The following FLII variants were observed in gnomAD, a reference collection of about 807,000 sequenced individuals.
FLII encodes the protein FLII actin remodeling protein, also known as protein flightless-1 homolog.
Under a neutral mutation model 156.2 loss-of-function variants are expected in FLII, and 101 were observed. That is an observed-to-expected ratio of 0.65 (90% CI 0.55 to 0.76). The LOEUF is 0.76. Among genes scored for constraint, FLII ranks in the 30% least tolerant of loss-of-function variants. The pLI, the probability that FLII is intolerant of heterozygous loss-of-function variation, is 0.00. For missense variants in FLII, 1,675 were observed against 1,682.8 expected (o/e 1.00, Z 0.08); for synonymous variants, 767 against 685.8 (o/e 1.12, Z -1.85).
In FLII at chr17:18,258,522, G is replaced by A; in HGVS notation, c.63+106C>T. 1 of 1,510,682 alleles carries A rather than the reference G, an allele frequency of 6.6e-7. No homozygotes were observed. Among genetic ancestry groups the A allele is most frequent in the Non-Finnish European group, 8.8e-7 (1 of 1,136,284 alleles). 93.6% of individuals were successfully genotyped at this position (1,510,682 alleles called of 1,614,324 possible). A position where few individuals can be genotyped will look rare whatever the true frequency, so the allele number is the denominator to read the frequency against. Reference sequence around the variant, plus strand: ...CACCCCGCCCCGGCCGCAGTCCCTGGGACACGCAGGGCCTGGAGCCGAGCG... The same window carrying A: ...CACCCCGCCCCGGCCGCAGTCCCTGAGACACGCAGGGCCTGGAGCCGAGCG... On this transcript the variant is annotated intron_variant, in intron 1 of 29. Transcript: ENST00000327031. The surrounding 1 kb of genome is among the most constrained non-coding windows in gnomAD (Gnocchi z 4.2).
Position 18,245,561 on chromosome 17 carries a change from G to A in FLII, c.3603C>T (p.Gly1201=). 1 of 1,613,624 alleles carries A rather than the reference G, an allele frequency of 6.2e-7. No individual in the cohort carries two copies. The highest frequency in any genetic ancestry group is 1.7e-5 in the Admixed American group (1 of 60,022). ...GCTAGTGGCAACATCACACCTCTTG[G>A]CCATTGTCTAGCAACATGATGTCAT... ...ADDDIMLLDN[G]QEVYMWVGTQ... Residue 1201 remains glycine, a synonymous_variant, in exon 28 of 30, where the codon GGC becomes GGT. Coordinates refer to ENST00000327031, the MANE Select transcript of FLII (RefSeq NM_002018.4).
Position 18,247,188 on chromosome 17 carries a change from G to T in FLII, c.2657C>A (p.Pro886Gln). The change falls in exon 21 of 30, where the codon CCG becomes CAG. Residue 886 changes from proline (P) to glutamine (Q), a missense_variant. Pro to Gln is a moderately conservative substitution (Grantham distance 76, BLOSUM62 -1). Coordinates refer to ENST00000327031, the MANE Select transcript of FLII (RefSeq NM_002018.4). ...CCCCACCTCGGCCAGCGACATGGGC[G>T]GCTGCCGCGGCAGGAAAAGCGCAGT... ...DLTALFLPRQ[P>Q]PMSLAEAEQL... 1 of 1,571,594 alleles carries T rather than the reference G, an allele frequency of 6.4e-7. No homozygotes were observed. The highest frequency in any genetic ancestry group is 8.6e-7 in the Non-Finnish European group (1 of 1,169,226).
Position 18,258,367 on chromosome 17 carries a change from GGGGCTCCCGGCC to G in FLII, c.63+249_63+260del. ...AGACCGAGAACACGGACGCGGGGTG[GGGGCTCCCGGCC>G]GGGCCCCCGGCGGGACTCCGAGCCC... is the stretch of plus-strand genomic sequence containing the variant. On this transcript the variant is annotated intron_variant, in intron 1 of 29. Coordinates refer to ENST00000327031, the MANE Select transcript of FLII (RefSeq NM_002018.4). The surrounding 1 kb of genome is among the most constrained non-coding windows in gnomAD (Gnocchi z 4.2). The G allele has an allele frequency of 2.2e-6, 2 of 924,912 alleles. No individual in the cohort carries two copies. The highest frequency in any genetic ancestry group is 3.2e-6 in the Non-Finnish European group (2 of 631,918). 57.3% of individuals were successfully genotyped at this position (924,912 alleles called of 1,614,324 possible).
Position 18,246,577 on chromosome 17 carries a change from G to A in FLII, c.3051+17C>T, listed in dbSNP as rs1451104150. 2.5e-6 allele frequency: 4 copies of A among 1,613,030 alleles called. No homozygotes were observed. Among genetic ancestry groups the A allele is most frequent in the East Asian group, 2.2e-5 (1 of 44,888 alleles). On this transcript the variant is annotated intron_variant, in intron 23 of 29. Transcript: ENST00000327031. ...CCCCTCCGCCTGGCCTCGGGCTCGC[G>A]GGGCTGCCAGGCACACCTCCAGCTT...
At position 18,253,604 on chromosome 17, in the gene FLII, T is replaced by G; in HGVS notation, c.795A>C (p.Ile265=). The change falls in exon 8 of 30, where the codon ATA becomes ATC. Residue 265 remains isoleucine, a synonymous_variant. Transcript: ENST00000327031. ...GAGTTTCCACGTGCACCCACTGGTC[T>G]ATGCACAGGGACAGCTCCGTGATCT... is the stretch of plus-strand genomic sequence containing the variant. ...SNQITELSLC[I]DQWVHVETLN... 4 of 1,614,102 alleles carry G rather than the reference T, an allele frequency of 2.5e-6. No homozygotes were observed. Among genetic ancestry groups the G allele is most frequent in the Non-Finnish European group, 3.4e-6 (4 of 1,180,022 alleles).
intron 22 of FLII, 25 bp downstream of exon 22, chr17:18,246,888 G>C (rs758070932): frequency 1.2e-6 from 2 of 1,614,090 alleles, no homozygotes; most frequent in Admixed American, 3.3e-5. Context: ...GGAGGGACTT[G>C]GGGAAGGGAG....
chr17:18,254,959 G>A (rs76795011), intron 4 of FLII, 105 bp from the exon 5 acceptor site: 1 of 1,189,270 alleles, frequency 8.4e-7, no homozygotes, highest in East Asian at 2.3e-5. Flanking sequence ...GGGGGTAGAT[G>A]AGGGGGCTTC....
chr17:18,247,864 C>T lies in FLII; in HGVS notation c.2296-16G>A, dbSNP rs751044806. On this transcript the variant is annotated splice_polypyrimidine_tract_variant and intron_variant, in intron 19 of 29. Coordinates refer to ENST00000327031, the MANE Select transcript of FLII (RefSeq NM_002018.4). ...GACTCTGCAGCTGCGGACCGGGAGTCTGGAGGTCAAAGCCCAGCCAACGGG... is the reference window on the plus strand; with the variant it reads ...GACTCTGCAGCTGCGGACCGGGAGTTTGGAGGTCAAAGCCCAGCCAACGGG... The T allele has an allele frequency of 9.9e-6, 16 of 1,613,926 alleles. No individual in the cohort carries two copies. In the Admixed American group the frequency reaches 2.0e-4, roughly 20 times the overall value.
rs775350448 is a variant in FLII, at chr17:18,253,973, C to T, written c.679+106G>A. The stretch of plus-strand genomic sequence containing the variant: ...CACTGTAACATAACTCCAGCCTTTT[C>T]CCTCTGGGTATTGGTCCGAAGAGCA... On this transcript the variant is annotated intron_variant, in intron 7 of 29. Coordinates refer to ENST00000327031, the MANE Select transcript of FLII (RefSeq NM_002018.4). The T allele has an allele frequency of 3.0e-4, 259 of 869,724 alleles. 1 individual carries two copies. Among genetic ancestry groups the T allele is most frequent in the Non-Finnish European group, 4.1e-4 (233 of 570,234 alleles). 53.9% of individuals were successfully genotyped at this position (869,724 alleles called of 1,614,324 possible). A position where few individuals can be genotyped will look rare whatever the true frequency, so the allele number is the denominator to read the frequency against.
rs890190728 is a variant in FLII, at chr17:18,254,455, G to T, written c.575+66C>A. On this transcript the variant is annotated intron_variant, in intron 6 of 29. Transcript: ENST00000327031. ...GGGAGAAGGGTTAGGGCCCTGGGAA[G>T]TGAAGGGGCCCGGCCAGACTCCTCA... The T allele has an allele frequency of 2.0e-6, 3 of 1,486,758 alleles. No homozygotes were observed. The Admixed American group carries it at 6.5e-5, about 32-fold the overall frequency. 92.1% of individuals were successfully genotyped at this position (1,486,758 alleles called of 1,614,324 possible).
chr17:18,251,585 G>A, intron 12 of FLII, 95 bp downstream of exon 12: 1 of 1,582,524 alleles, frequency 6.3e-7, no homozygotes, highest in African/African-American at 1.3e-5. Flanking sequence ...TTTCTGCCCA[G>A]CACCCCCCGT....
chr17:18,251,859 GC>G, intron 11 of FLII, 43 bp from the exon 12 acceptor site: 1 of 1,611,182 alleles, frequency 6.2e-7, no homozygotes, highest in Non-Finnish European at 8.5e-7. Flanking sequence ...TGGGCCTGCT[GC>G]CCCCTTGGGC....
chr17:18,249,035 G>A (rs771178586), intron 16 of FLII, 92 bp downstream of exon 16: 54 of 1,385,488 alleles, frequency 3.9e-5, no homozygotes, highest in Non-Finnish European at 5.0e-5. Flanking sequence ...AATTGCTAGA[G>A]GGCCTCCTCT....
At position 18,248,544 on chromosome 17, in the gene FLII, G is replaced by A; in HGVS notation, c.2190+6C>T. The A allele has an allele frequency of 1.3e-6, 2 of 1,599,028 alleles. No homozygotes were observed. The highest frequency in any genetic ancestry group is 1.7e-6 in the Non-Finnish European group (2 of 1,171,200). On this transcript the variant is annotated splice_donor_region_variant and intron_variant, in intron 18 of 29. Coordinates refer to ENST00000327031, the MANE Select transcript of FLII (RefSeq NM_002018.4). ...GGCCAAGGTGGGCCTCAGCAGCAGG[G>A]CTCACCTTGTACAGCTTGGGCTGCG...
chr17:18,255,682 T>C (rs112408376), intron 3 of FLII, among the ~76,000 whole-genome samples: 2,888 of 152,196 alleles, frequency 0.019, 42 homozygotes, highest in Non-Finnish European at 0.032. Context: ...CACCTCCTCA[T>C]ACCTTACAGA....
In FLII at chr17:18,250,901, G is replaced by A. The variant is rs1190543801; in HGVS notation, c.1713C>T (p.Tyr571=). 1 of 1,614,054 alleles carries A rather than the reference G, an allele frequency of 6.2e-7. No homozygotes were observed. The highest frequency in any genetic ancestry group is 8.5e-7 in the Non-Finnish European group (1 of 1,180,006). The change falls in exon 14 of 30, where the codon TAC becomes TAT. Residue 571 remains tyrosine, a synonymous_variant. Coordinates refer to ENST00000327031, the MANE Select transcript of FLII (RefSeq NM_002018.4). ...GGACAGTGCGGCACTCAGCACCCAG[G>A]TAGTTGCGCAAGTTGACAGCGTGGA... is the stretch of plus-strand genomic sequence containing the variant. ...SAIHAVNLRN[Y]LGAECRTVRE...
intron 18 of FLII, 73 bp from the exon 19 acceptor site, chr17:18,248,106 G>T: frequency 5.7e-6 from 6 of 1,059,502 alleles, no homozygotes; most frequent in Non-Finnish European, 5.7e-6. Flanking sequence ...CCTCTGCTCT[G>T]GAACCAGCCC....
chr17:18,255,332 G>T, intron 3 of FLII, 69 bp from the exon 4 acceptor site: 1 of 1,294,000 alleles, frequency 7.7e-7, no homozygotes, highest in Non-Finnish European at 1.1e-6. Flanking sequence ...GTCTAGAGAG[G>T]GACACCTCCT....
At position 18,253,284 on chromosome 17, in the gene FLII, C is replaced by A. The variant is rs762624073; in HGVS notation, c.1013+17G>T. 6.2e-7 allele frequency: 1 copy of A among 1,613,502 alleles called. No individual in the cohort carries two copies. The highest frequency in any genetic ancestry group is 1.1e-5 in the South Asian group (1 of 91,028). The stretch of plus-strand genomic sequence containing the variant: ...TGTGCTGCAAGTGCCTCTGCTAGCC[C>A]CAGCCCTGCCCAGCACCTGCAGAGA... On this transcript the variant is annotated intron_variant, in intron 9 of 29. Transcript: ENST00000327031.
Sources: allele counts gnomAD v4.1 joint callset (sites outside exome capture counted in the v4.1 genomes callset), GRCh38; gene constraint gnomAD v4.1.1; non-coding constraint Gnocchi (gnomAD v3.1); transcripts MANE v1.5; gene names NCBI Gene and HGNC (gene_info 2026-07-23, HGNC 2026-07-21).